FHOD3: variants seen among roughly 807,000 people sequenced by gnomAD.
FHOD3 encodes formin homology 2 domain containing 3, also known as FH1/FH2 domain-containing protein 3.
Under a neutral mutation model 173.0 loss-of-function variants are expected in FHOD3, and 90 were observed. The observed-to-expected ratio is 0.52, with a 90% CI of 0.44 to 0.62. The LOEUF (loss-of-function observed/expected upper bound fraction) is 0.62, where lower values mean the gene tolerates loss of function less well. Ranked by LOEUF, FHOD3 falls within the 20% of genes least tolerant of loss-of-function variation. The probability of loss-of-function intolerance (pLI) is 0.00; values close to 1 mark genes in which losing one functional copy is unlikely to be tolerated. For synonymous variants in FHOD3, 828 were observed against 823.0 expected (o/e 1.01, Z -0.10); for missense variants, 1,945 against 2,034.7 (o/e 0.96, Z 0.85).
chr18:36,672,703 G>A (rs1194389178), intron 14 of FHOD3, among the ~76,000 whole-genome samples: 5 of 152,186 alleles, frequency 3.3e-5, no homozygotes, highest in Non-Finnish European at 7.4e-5. Flanking sequence ...TAAAGGAGTT[G>A]CTGCAATATT....
intron 16 of FHOD3, among the ~76,000 whole-genome samples, chr18:36,690,534 T>C (rs2038898155): frequency 6.6e-6 from 1 of 152,108 alleles, no homozygotes; most frequent in Non-Finnish European, 1.5e-5. Context: ...AGGTCCAGCT[T>C]CCTCCCCAAG....
chr18:36,596,648 G>T (rs990526704), intron 7 of FHOD3, among the ~76,000 whole-genome samples: 1 of 152,128 alleles, frequency 6.6e-6, no homozygotes, highest in African/African-American at 2.4e-5. Flanking sequence ...GATAGATGTC[G>T]GCACTAGGCA....
intron 3 of FHOD3, among the ~76,000 whole-genome samples, chr18:36,501,533 C>T (rs2055031646): frequency 6.6e-6 from 1 of 152,002 alleles, no homozygotes; most frequent in Non-Finnish European, 1.5e-5. Flanking sequence ...GTATAGTTGG[C>T]CATCAAGTGG....
chr18:36,718,536 A>C lies in FHOD3; in HGVS notation c.3238A>C (p.Thr1080Pro). ...GGTACCCAGGGGTCAGCCCACATTC[A>C]CTAAGAAAAAGAAGACCATCCGTTT... is the stretch of plus-strand genomic sequence containing the variant. ...SQVPRGQPTF[T>P]KKKKTIRLFW... The change falls in exon 19 of 29, where the codon ACT (threonine) becomes CCT (proline). Residue 1080 changes from threonine (T) to proline (P), a missense_variant. Thr to Pro is a conservative substitution (Grantham distance 38). This residue lies in a region of FHOD3 where 231 missense variants were observed against 321.9 expected (regional missense o/e 0.72). Transcript: ENST00000590592. The C allele has an allele frequency of 6.2e-7, 1 of 1,614,100 alleles. No homozygotes were observed. The highest frequency in any genetic ancestry group is 8.5e-7 in the Non-Finnish European group (1 of 1,180,030).
chr18:36,575,098 G>A (rs2058600100), intron 5 of FHOD3, among the ~76,000 whole-genome samples: 1 of 152,000 alleles, frequency 6.6e-6, no homozygotes, highest in Admixed American at 6.6e-5. Context: ...AGCTTCCTGA[G>A]TATCTGGGAT....
rs753387315 is a variant in FHOD3, at chr18:36,779,684, C to T, written c.*154C>T. 1.5e-6 allele frequency: 1 copy of T among 661,324 alleles called. No homozygotes were observed. The highest frequency in any genetic ancestry group is 1.8e-5 in the African/African-American group (1 of 55,630). 41.0% of individuals were successfully genotyped at this position (661,324 alleles called of 1,614,324 possible). A position where few individuals can be genotyped will look rare whatever the true frequency, so the allele number is the denominator to read the frequency against. The stretch of plus-strand genomic sequence containing the variant: ...CAGCGTCACCCCATGGCTTGTGTTG[C>T]CTGCTACGCATTGACTTGGATCTCC... On this transcript the variant is annotated 3_prime_UTR_variant, in exon 29 of 29. Coordinates refer to ENST00000590592, the MANE Select transcript of FHOD3 (RefSeq NM_001281740.3).
chr18:36,385,286 C>T (rs1328128868), intron 3 of FHOD3, among the ~76,000 whole-genome samples: 12 of 152,180 alleles, frequency 7.9e-5, no homozygotes. Flanking sequence ...TTTACTTGTT[C>T]TTACAAAATG....
chr18:36,576,409 A>C (rs1278037819), intron 5 of FHOD3, 42 bp from the exon 6 acceptor site: 4 of 1,404,108 alleles, frequency 2.8e-6, no homozygotes, highest in Non-Finnish European at 4.0e-6. Context: ...TTATATTTCT[A>C]TATACATCTA....
intron 13 of FHOD3, among the ~76,000 whole-genome samples, chr18:36,655,737 C>T (rs1015758783): frequency 7.9e-6 from 1 of 127,344 alleles, no homozygotes; most frequent in Non-Finnish European, 1.6e-5. Flanking sequence ...AAAAAGAACC[C>T]TCACCCTCCA....
chr18:36,641,083 G>A (rs2035269586), intron 10 of FHOD3, among the ~76,000 whole-genome samples: 1 of 152,170 alleles, frequency 6.6e-6, no homozygotes, highest in South Asian at 2.1e-4. Flanking sequence ...CATAGCAAGA[G>A]CCTCTGTGCC....
At chr18:36,672,604 T>G (rs2037603418) in intron 14 of FHOD3, among the ~76,000 whole-genome samples, 1 of 152,200 alleles carries the variant, frequency 6.6e-6, no homozygotes, top group African/African-American at 2.4e-5. Context: ...TCTGCTTGAA[T>G]CGAATCATAT....
At position 36,693,079 on chromosome 18, in the gene FHOD3, C is replaced by T. The variant is rs371685207; in HGVS notation, c.2022-130C>T. 1.8e-4 allele frequency: 162 copies of T among 901,670 alleles called. No homozygotes were observed. In the African/African-American group the frequency reaches 2.2e-3, roughly 13 times the overall value. 55.9% of individuals were successfully genotyped at this position (901,670 alleles called of 1,614,324 possible). On this transcript the variant is annotated intron_variant, in intron 16 of 28. Transcript: ENST00000590592. Reference sequence around the variant, plus strand: ...TGGGTGTTTTTGGCAGGCTGACTCTCCAGCCAGCCCTGCACTGTGCTGTGT... The same window carrying T: ...TGGGTGTTTTTGGCAGGCTGACTCTTCAGCCAGCCCTGCACTGTGCTGTGT...
At chr18:36,475,544 T>A (rs967542446) in intron 3 of FHOD3, among the ~76,000 whole-genome samples, 2 of 152,112 alleles carry the variant, frequency 1.3e-5, no homozygotes, top group Non-Finnish European at 2.9e-5. Flanking sequence ...AGAATTCTAA[T>A]GGGAAGGACT....
chr18:36,347,200 A>C (rs997681917), intron 1 of FHOD3, among the ~76,000 whole-genome samples: 1 of 152,282 alleles, frequency 6.6e-6, no homozygotes, highest in Non-Finnish European at 1.5e-5. Context: ...AGTGAAACGG[A>C]AAATGGCAAA....
At chr18:36,765,795 A>G (rs1441017636) in intron 27 of FHOD3, among the ~76,000 whole-genome samples, 1 of 152,200 alleles carries the variant, frequency 6.6e-6, no homozygotes, top group Non-Finnish European at 1.5e-5. Context: ...GCATAGTGAG[A>G]AAAAATGGAA....
intron 24 of FHOD3, among the ~76,000 whole-genome samples, chr18:36,747,843 C>T (rs1312404625): frequency 3.3e-5 from 5 of 152,248 alleles, no homozygotes; most frequent in African/African-American, 1.2e-4. Flanking sequence ...TGCTACCACT[C>T]TCTTCTCCTT....
chr18:36,737,320 C>T (rs1012980053), intron 20 of FHOD3, among the ~76,000 whole-genome samples: 1 of 152,200 alleles, frequency 6.6e-6, no homozygotes, highest in African/African-American at 2.4e-5. Context: ...GAATTTTGGT[C>T]ATGCCAGAAA....
chr18:36,745,796 C>T (rs1183264756), intron 23 of FHOD3, among the ~76,000 whole-genome samples: 1 of 149,308 alleles, frequency 6.7e-6, no homozygotes, highest in Non-Finnish European at 1.5e-5. Context: ...CCCACCTGCA[C>T]CCTCCGCTCA....
chr18:36,627,969 A>AC (rs923516194), intron 10 of FHOD3, among the ~76,000 whole-genome samples: 2 of 152,194 alleles, frequency 1.3e-5, no homozygotes, highest in African/African-American at 4.8e-5. Context: ...GCCGCACCTA[A>AC]CGCTAGCTTA....
Sources: gnomAD v4.1 joint callset for allele counts (sites outside exome capture counted in the v4.1 genomes callset) on GRCh38, gnomAD v4.1.1 for gene constraint, gnomAD v4.1.1 regional missense constraint, MANE v1.5 for transcripts, NCBI Gene and HGNC (gene_info 2026-07-23, HGNC 2026-07-21) for gene names.